TMEM132E: variants seen among roughly 807,000 people sequenced by gnomAD.
The protein encoded by TMEM132E is transmembrane protein 132E.
Under a neutral mutation model 78.5 loss-of-function variants are expected in TMEM132E, and 49 were observed. The ratio of observed to expected loss-of-function variants is 0.62; its 90% CI spans 0.50 to 0.79. The LOEUF is 0.79. Among genes scored for constraint, TMEM132E ranks in the 30% least tolerant of loss-of-function variants. TMEM132E has a pLI of 0.00. For synonymous variants in TMEM132E, 715 were observed against 670.6 expected, an observed-to-expected ratio of 1.07 and a Z score of -1.02; for missense variants, 1,403 against 1,470.9, an observed-to-expected ratio of 0.95 and a Z score of 0.75.
At chr17:34,621,171 T>C (rs541323858) in intron 1 of TMEM132E, among the ~76,000 whole-genome samples, 20 of 152,290 alleles carry the variant, frequency 1.3e-4, no homozygotes, top group Admixed American at 1.1e-3. Context: ...CAAATCCCCA[T>C]GTATCAGTTT....
chr17:34,594,241 C>T (rs1246688486), intron 1 of TMEM132E, among the ~76,000 whole-genome samples: 1 of 152,180 alleles, frequency 6.6e-6, no homozygotes. Context: ...TAATGATCTG[C>T]GGGATGAATG....
intron 1 of TMEM132E, among the ~76,000 whole-genome samples, chr17:34,616,022 C>G (rs935931032): frequency 6.6e-6 from 1 of 152,164 alleles, no homozygotes; most frequent in Non-Finnish European, 1.5e-5. Context: ...GGATGTGAAG[C>G]CACTTGCCCA....
intron 1 of TMEM132E, among the ~76,000 whole-genome samples, chr17:34,594,713 C>T (rs942842478): frequency 2.0e-5 from 3 of 152,174 alleles, no homozygotes; most frequent in African/African-American, 7.2e-5. Context: ...CCTCAGCCTC[C>T]TGAGTAGTAG....
intron 1 of TMEM132E, among the ~76,000 whole-genome samples, chr17:34,591,114 C>T (rs1905853110): frequency 6.6e-6 from 1 of 152,278 alleles, no homozygotes; most frequent in Middle Eastern, 3.4e-3. Context: ...GAGCCCACAG[C>T]ACGAGGGCTC....
intron 1 of TMEM132E, among the ~76,000 whole-genome samples, chr17:34,616,337 C>G (rs1342396267): frequency 1.3e-5 from 2 of 152,172 alleles, no homozygotes; most frequent in Admixed American, 1.3e-4. Flanking sequence ...TACTGGGAAG[C>G]TGCTTCTCCA....
Position 34,638,769 on chromosome 17 carries a change from C to T in TMEM132E, c.*537C>T, listed in dbSNP as rs1907640280. ...AAGGATCTTGCTGTGGACGAAATAT[C>T]TGGGGGTTAGGGGGACAGTTGTAGC... On this transcript the variant is annotated 3_prime_UTR_variant, in exon 9 of 9. Transcript: ENST00000631683. 6.6e-6 allele frequency: 1 copy of T among 152,538 alleles called. No homozygotes were observed. Among genetic ancestry groups the T allele is most frequent in the Non-Finnish European group, 1.5e-5 (1 of 68,410 alleles). 9.4% of individuals were successfully genotyped at this position (152,538 alleles called of 1,614,324 possible). A position where few individuals can be genotyped will look rare whatever the true frequency, so the allele number is the denominator to read the frequency against.
At chr17:34,611,702 C>G (rs1167073036) in intron 1 of TMEM132E, among the ~76,000 whole-genome samples, 2 of 152,206 alleles carry the variant, frequency 1.3e-5, no homozygotes, top group African/African-American at 2.4e-5. Context: ...TTCCCATATT[C>G]ACTCCACAAC....
At position 34,629,992 on chromosome 17, in the gene TMEM132E, C is replaced by T. The variant is rs200200691; in HGVS notation, c.1339-16C>T. On this transcript the variant is annotated splice_polypyrimidine_tract_variant and intron_variant, in intron 4 of 8. Transcript: ENST00000631683. ...AGGGGACCACAAGTAGAGCCCCCCC[C>T]TTCTCCTCCCTGCAGGACACAGAGA... is the stretch of plus-strand genomic sequence containing the variant. The T allele has an allele frequency of 3.0e-4, 471 of 1,590,904 alleles. 4 individuals are homozygous for T. In the South Asian group the frequency reaches 4.5e-3, roughly 15 times the overall value.
intron 1 of TMEM132E, among the ~76,000 whole-genome samples, chr17:34,582,531 G>T (rs944188153): frequency 6.6e-6 from 1 of 151,666 alleles, no homozygotes; most frequent in African/African-American, 2.4e-5. Context: ...GTTGTTTTGC[G>T]TTCAGTTCAC....
chr17:34,627,201 T>C (rs751244843), intron 2 of TMEM132E, 144 bp downstream of exon 2: 133 of 887,472 alleles, frequency 1.5e-4, no homozygotes, highest in Non-Finnish European at 1.3e-4. Flanking sequence ...CACTTAGCAC[T>C]TGAGCAACCT....
intron 1 of TMEM132E, among the ~76,000 whole-genome samples, chr17:34,597,715 G>C (rs897672522): frequency 1.3e-5 from 2 of 152,164 alleles, no homozygotes; most frequent in Non-Finnish European, 2.9e-5. Flanking sequence ...AGGAAGCAGA[G>C]GCCAAAGGTA....
chr17:34,637,264 G>C lies in TMEM132E; in HGVS notation c.2257G>C (p.Val753Leu). The change falls in exon 9 of 9, where the codon GTG becomes CTG. Residue 753 changes from valine (V) to leucine (L), a missense_variant. Around this residue, in one of 3 missense-constraint regions of TMEM132E, gnomAD observed 888 missense variants for 952.8 expected, o/e 0.93. Coordinates refer to ENST00000631683, the MANE Select transcript of TMEM132E (RefSeq NM_001304438.2). ...LYSPRDYGLL[V>L]SSLDEHVATV... is the part of the protein sequence containing the mutation. Reference sequence around the variant, plus strand: ...CAGCCCACGAGACTATGGACTGCTAGTGAGCAGCCTGGATGAGCATGTGGC... The same window carrying C: ...CAGCCCACGAGACTATGGACTGCTACTGAGCAGCCTGGATGAGCATGTGGC... The C allele has an allele frequency of 6.2e-7, 1 of 1,614,110 alleles. No individual in the cohort carries two copies. Among genetic ancestry groups the C allele is most frequent in the Non-Finnish European group, 8.5e-7 (1 of 1,180,052 alleles).
Position 34,638,541 on chromosome 17 carries a change from CA to C in TMEM132E, c.*311del. 3.3e-6 allele frequency: 1 copy of C among 302,398 alleles called. No homozygotes were observed. The highest frequency in any genetic ancestry group is 6.1e-6 in the Non-Finnish European group (1 of 164,312). 18.7% of individuals were successfully genotyped at this position (302,398 alleles called of 1,614,324 possible). ...TCCCATCTTAAGCAACCCCCTGCCC[CA>C]AGAGTGAGGCAAGGAGGTCCAGCTT... On this transcript the variant is annotated 3_prime_UTR_variant, in exon 9 of 9. Transcript: ENST00000631683.
At chr17:34,617,143 G>A (rs1156552292) in intron 1 of TMEM132E, among the ~76,000 whole-genome samples, 2 of 152,186 alleles carry the variant, frequency 1.3e-5, no homozygotes, top group African/African-American at 4.8e-5. Flanking sequence ...AGACATAACC[G>A]CTACCTACTT....
chr17:34,596,263 A>G (rs536096577), intron 1 of TMEM132E, among the ~76,000 whole-genome samples: 1 of 152,306 alleles, frequency 6.6e-6, no homozygotes, highest in Admixed American at 6.5e-5. Flanking sequence ...GCAGTTTAAA[A>G]ATGGCTAAAC....
At position 34,638,079 on chromosome 17, in the gene TMEM132E, G is replaced by A. The variant is rs1907599520; in HGVS notation, c.3072G>A (p.Glu1024=). Residue 1024 remains glutamate, a synonymous_variant, in exon 9 of 9, where the codon GAG becomes GAA. Transcript: ENST00000631683. Reference sequence around the variant, plus strand: ...CCACCTTCACCACGCTGCCGTCAGAGGAGCTGGCCTATGACTCGGTGCCCG... The same window carrying A: ...CCACCTTCACCACGCTGCCGTCAGAAGAGCTGGCCTATGACTCGGTGCCCG... ...KFTTFTTLPS[E]ELAYDSVPAG... The A allele has an allele frequency of 6.3e-7, 1 of 1,589,102 alleles. No individual in the cohort carries two copies. Among genetic ancestry groups the A allele is most frequent in the African/African-American group, 1.3e-5 (1 of 74,692 alleles).
At chr17:34,617,678 G>A (rs1037392368) in intron 1 of TMEM132E, among the ~76,000 whole-genome samples, 4 of 152,160 alleles carry the variant, frequency 2.6e-5, no homozygotes, top group Admixed American at 2.6e-4. Flanking sequence ...CTTGCCCAAG[G>A]ACACACAGCT....
intron 1 of TMEM132E, among the ~76,000 whole-genome samples, chr17:34,611,811 C>A (rs1051868565): frequency 2.0e-5 from 3 of 152,180 alleles, no homozygotes; most frequent in Non-Finnish European, 2.9e-5. Context: ...ATTCCAGGGG[C>A]TTCCATCCTC....
At chr17:34,615,516 G>GGTGTGTGTGTGT (rs1906749209) in intron 1 of TMEM132E, among the ~76,000 whole-genome samples, 1 of 68,476 alleles carries the variant, frequency 1.5e-5, no homozygotes, top group East Asian at 9.4e-4. Context: ...GACTGGCACA[G>GGTGTGTGTGTGT]ATGTGTGTGT....
Sources: gnomAD v4.1 joint callset for allele counts (sites outside exome capture counted in the v4.1 genomes callset) on GRCh38, gnomAD v4.1.1 for gene constraint, gnomAD v4.1.1 regional missense constraint, MANE v1.5 for transcripts, NCBI Gene and HGNC (gene_info 2026-07-23, HGNC 2026-07-21) for gene names.